STK3: variants seen among roughly 807,000 people sequenced by gnomAD.
STK3 encodes serine/threonine-protein kinase 3.
Under a neutral mutation model 58.0 loss-of-function variants are expected in STK3, and 41 were observed. The ratio of observed to expected loss-of-function variants is 0.71; its 90% confidence interval spans 0.55 to 0.92. STK3 has a LOEUF of 0.92. STK3 is among the 40% of genes least tolerant of loss of function. STK3 has a pLI of 0.00. For synonymous variants in STK3, 170 were observed against 191.0 expected (o/e 0.89, Z 0.91); for missense variants, 479 against 602.7 (o/e 0.79, Z 2.15).
chr8:98,345,696 A>G, the STK3 span, among the ~76,000 whole-genome samples: 43,969 of 151,960 alleles, frequency 0.29, 7,289 homozygotes, highest in African/African-American at 0.42. Flanking sequence ...ATAATTAATC[A>G]GTAGAAACCA....
the STK3 span, among the ~76,000 whole-genome samples, chr8:98,363,593 AAAAAAAG>A: frequency 1.3e-5 from 2 of 152,222 alleles, no homozygotes; most frequent in African/African-American, 2.4e-5. Flanking sequence ...TGTTGGAATG[AAAAAAAG>A]AAAAAAGAAA....
At chr8:98,653,853 C>T (rs568967875) in intron 6 of STK3, among the ~76,000 whole-genome samples, 1 of 152,054 alleles carries the variant, frequency 6.6e-6, no homozygotes, top group Non-Finnish European at 1.5e-5. Flanking sequence ...AGCTTACCAA[C>T]CAAAAAAACT....
chr8:98,537,365 G>C (rs560387589), intron 9 of STK3, among the ~76,000 whole-genome samples: 1 of 152,272 alleles, frequency 6.6e-6, no homozygotes, highest in Admixed American at 6.5e-5. Flanking sequence ...GGAGGGGGCA[G>C]CTGCAATTGC....
intron 6 of STK3, among the ~76,000 whole-genome samples, chr8:98,605,340 T>G (rs928155905): frequency 6.6e-6 from 1 of 152,138 alleles, no homozygotes; most frequent in Admixed American, 6.6e-5. Flanking sequence ...CTCATGGTTC[T>G]GCAGGCTGTA....
At chr8:98,771,145 T>C in intron 2 of STK3, among the ~76,000 whole-genome samples, 1 of 152,252 alleles carries the variant, frequency 6.6e-6, no homozygotes, top group East Asian at 1.9e-4. Context: ...TTTCTGTCTC[T>C]ACAGATTTAT....
At chr8:98,649,347 A>G (rs1197284444) in intron 6 of STK3, among the ~76,000 whole-genome samples, 2 of 152,184 alleles carry the variant, frequency 1.3e-5, no homozygotes, top group African/African-American at 4.8e-5. Context: ...AAAAAAAATC[A>G]TTATATGATT....
At chr8:98,608,757 T>C (rs752197986) in intron 6 of STK3, among the ~76,000 whole-genome samples, 10 of 152,146 alleles carry the variant, frequency 6.6e-5, no homozygotes, top group Non-Finnish European at 1.3e-4. Flanking sequence ...CGGATGAGCA[T>C]AGCTTGATGC....
intron 1 of STK3, among the ~76,000 whole-genome samples, chr8:98,809,544 T>C (rs1834091386): frequency 1.3e-5 from 2 of 152,234 alleles, no homozygotes; most frequent in South Asian, 4.1e-4. Flanking sequence ...ACTATTCTAC[T>C]TTCTGTTTCT....
intron 10 of STK3, among the ~76,000 whole-genome samples, chr8:98,480,026 A>C (rs1821719459): frequency 6.6e-6 from 1 of 152,158 alleles, no homozygotes; most frequent in Non-Finnish European, 1.5e-5. Flanking sequence ...GGTCAGTGAA[A>C]ATTACCCAAT....
intron 10 of STK3, among the ~76,000 whole-genome samples, chr8:98,484,912 G>A (rs1822125432): frequency 6.6e-6 from 1 of 151,990 alleles, no homozygotes. Flanking sequence ...GGATATTCTT[G>A]AAAAAAGTAA....
chr8:98,548,578 C>CT (rs1486294598), intron 8 of STK3, among the ~76,000 whole-genome samples: 3 of 152,040 alleles, frequency 2.0e-5, no homozygotes, highest in Non-Finnish European at 4.4e-5. Context: ...TTAGCTTTTT[C>CT]TTTTAAATTA....
At chr8:98,586,519 T>C (rs570927663) in intron 7 of STK3, among the ~76,000 whole-genome samples, 112 of 149,938 alleles carry the variant, frequency 7.5e-4, no homozygotes, top group African/African-American at 2.6e-3. Flanking sequence ...TTGAGGATTT[T>C]TGCATCAATG....
intron 3 of STK3, among the ~76,000 whole-genome samples, chr8:98,872,413 G>A (rs1385617012): frequency 1.3e-5 from 2 of 152,170 alleles, no homozygotes; most frequent in Non-Finnish European, 2.9e-5. Context: ...GTTTCAGAAG[G>A]AATGGTACCA....
At chr8:98,570,257 T>C (rs1008003494) in intron 8 of STK3, among the ~76,000 whole-genome samples, 3 of 151,296 alleles carry the variant, frequency 2.0e-5, no homozygotes, top group Admixed American at 6.6e-5. Flanking sequence ...GGCTCCCAAA[T>C]AGCTGGGACT....
At chr8:98,665,754 A>G (rs1479395158) in intron 6 of STK3, among the ~76,000 whole-genome samples, 3 of 149,490 alleles carry the variant, frequency 2.0e-5, no homozygotes, top group African/African-American at 7.4e-5. Context: ...CCCAGGCTGG[A>G]GTGCAGTAGC....
intron 1 of STK3, among the ~76,000 whole-genome samples, chr8:98,776,752 T>TAAA (rs906260272): frequency 1.2e-4 from 16 of 128,164 alleles, no homozygotes; most frequent in African/African-American, 4.6e-4. Context: ...TATGTCAAGA[T>TAAA]AAAAAAAAAA....
chr8:98,607,215 A>C (rs1816847392), intron 6 of STK3, among the ~76,000 whole-genome samples: 1 of 152,254 alleles, frequency 6.6e-6, no homozygotes, highest in African/African-American at 2.4e-5. Context: ...TGTTTCTCTA[A>C]CAGCTTTTCT....
chr8:98,598,411 A>C, intron 6 of STK3: 1 of 985,402 alleles, frequency 1.0e-6, no homozygotes, highest in Non-Finnish European at 1.2e-6. Flanking sequence ...AACACCGAGC[A>C]TACAGTCCAA....
chr8:98,914,482 ACACACACACACT>A (rs1366149726), intron 1 of STK3, among the ~76,000 whole-genome samples: 1 of 141,922 alleles, frequency 7.0e-6, no homozygotes, highest in African/African-American at 2.5e-5. Flanking sequence ...ACACACACAC[ACACACACACACT>A]CTCTCTCTCT....
Sources: gnomAD v4.1 joint callset for allele counts (sites outside exome capture counted in the v4.1 genomes callset) on GRCh38, gnomAD v4.1.1 for gene constraint, MANE v1.5 for transcripts, NCBI Gene and HGNC (gene_info 2026-07-23, HGNC 2026-07-21) for gene names.